The following LRP1B variants were observed in gnomAD, a reference collection of about 807,000 sequenced individuals.
The protein encoded by LRP1B is low-density lipoprotein receptor-related protein 1B.
LRP1B carries 217 observed loss-of-function variants against 556.6 expected under a neutral mutation model. The ratio of observed to expected loss-of-function variants is 0.39; its 90% CI spans 0.35 to 0.44. LRP1B has a LOEUF of 0.44. LRP1B is among the 20% of genes least tolerant of loss of function. The pLI, the probability that LRP1B is intolerant of heterozygous loss-of-function variation, is 1.00. For synonymous variants in LRP1B, 2,047 were observed against 1,865.8 expected (o/e 1.10, Z -2.50); for missense variants, 5,053 against 5,620.8 (o/e 0.90, Z 3.23).
chr2:141,167,055 ATTT>A (rs1290729180), intron 7 of LRP1B, among the ~76,000 whole-genome samples: 1 of 151,782 alleles, frequency 6.6e-6, no homozygotes, highest in Admixed American at 6.6e-5. Flanking sequence ...GTTGTTACTT[ATTT>A]TTTATTTTTT....
At chr2:141,043,980 GAAC>G (rs1558821179) in intron 11 of LRP1B, among the ~76,000 whole-genome samples, 2 of 151,862 alleles carry the variant, frequency 1.3e-5, no homozygotes, top group East Asian at 3.9e-4. Flanking sequence ...TAAGCCAAAG[GAAC>G]AAAGGTGGAG....
chr2:141,061,340 A>G (rs902525300), intron 8 of LRP1B, among the ~76,000 whole-genome samples: 8 of 151,868 alleles, frequency 5.3e-5, no homozygotes, highest in African/African-American at 1.9e-4. Context: ...AGAGATTCAC[A>G]TATTTCAGCT....
intron 2 of LRP1B, among the ~76,000 whole-genome samples, chr2:141,532,576 C>T (rs1559124913): frequency 6.6e-6 from 1 of 151,738 alleles, no homozygotes; most frequent in South Asian, 2.1e-4. Context: ...ACAGTATTGT[C>T]ATCCTCCGGT....
chr2:141,535,924 T>C (rs147394580), intron 2 of LRP1B, among the ~76,000 whole-genome samples: 2 of 152,232 alleles, frequency 1.3e-5, no homozygotes, highest in Non-Finnish European at 2.9e-5. Context: ...TTTATCAACA[T>C]TGACAACTGC....
chr2:141,753,605 C>T (rs1694210894), intron 2 of LRP1B, among the ~76,000 whole-genome samples: 1 of 151,706 alleles, frequency 6.6e-6, no homozygotes, highest in South Asian at 2.1e-4. Flanking sequence ...TCACTATTTC[C>T]CTCTCTAGCC....
chr2:141,027,714 T>C (rs554437896), intron 11 of LRP1B, among the ~76,000 whole-genome samples: 1 of 152,300 alleles, frequency 6.6e-6, no homozygotes, highest in Admixed American at 6.5e-5. Context: ...TAAATGTTTG[T>C]GTCCTCCTAA....
rs771161987 is a variant in LRP1B, at chr2:140,358,919, G to A, written c.11159C>T (p.Pro3720Leu). ...TATTCTGTTATTTCTGCATCTGTGA[G>A]GTCTCGTGGATGGACAAAGAAATTT... ...CVKFLCPSTR[P>L]HRCRNNRICL... Residue 3720 changes from proline to leucine, a missense_variant, in exon 73 of 91, where the codon CCT (proline) becomes CTT (leucine). Transcript: ENST00000389484. The A allele has an allele frequency of 6.2e-7, 1 of 1,608,140 alleles. No individual in the cohort carries two copies. Among genetic ancestry groups the A allele is most frequent in the Admixed American group, 1.7e-5 (1 of 59,762 alleles).
intron 47 of LRP1B, among the ~76,000 whole-genome samples, chr2:140,533,741 C>T (rs2104993349): frequency 6.6e-6 from 1 of 152,204 alleles, no homozygotes; most frequent in African/African-American, 2.4e-5. Context: ...TTCAATATTA[C>T]ACATTCTGGT....
intron 3 of LRP1B, among the ~76,000 whole-genome samples, chr2:141,453,936 A>C (rs79096259): frequency 0.064 from 9,560 of 150,128 alleles, 567 homozygotes; most frequent in African/African-American, 0.15. Flanking sequence ...GAAAAAAAAA[A>C]GTTCTAGTGT....
chr2:140,809,124 C>G (rs570489117), intron 32 of LRP1B, among the ~76,000 whole-genome samples: 2 of 152,124 alleles, frequency 1.3e-5, no homozygotes, highest in South Asian at 4.2e-4. Flanking sequence ...GAAGCAACAA[C>G]AGAAGGTTAT....
chr2:140,445,322 G>A lies in LRP1B; in HGVS notation c.10058-643C>T, dbSNP rs973664881. 4.6e-5 allele frequency among the ~76,000 whole-genome samples: 7 copies of A among 151,848 alleles called. 1 individual carries two copies. Among genetic ancestry groups the A allele is most frequent in the Admixed American group, 3.9e-4 (6 of 15,214 alleles). On this transcript the variant is annotated intron_variant, in intron 63 of 90. Coordinates refer to ENST00000389484, the MANE Select transcript of LRP1B (RefSeq NM_018557.3). ...AGTAGAGATAGGGTTTCACCATGTTGGCCAGGCTGGTCTCGAACTCCGGAC... is the reference window on the plus strand; with the variant it reads ...AGTAGAGATAGGGTTTCACCATGTTAGCCAGGCTGGTCTCGAACTCCGGAC...
intron 1 of LRP1B, among the ~76,000 whole-genome samples, chr2:141,865,524 G>A (rs1471232367): frequency 2.7e-5 from 4 of 145,534 alleles, no homozygotes; most frequent in East Asian, 2.0e-4. Context: ...CCCGGGAGGC[G>A]GAGCTTGCAG....
chr2:141,393,251 C>A (rs1690120465), intron 3 of LRP1B, among the ~76,000 whole-genome samples: 1 of 151,962 alleles, frequency 6.6e-6, no homozygotes, highest in Non-Finnish European at 1.5e-5. Context: ...AAACACACAA[C>A]TTTCTGGAAG....
intron 23 of LRP1B, among the ~76,000 whole-genome samples, chr2:140,891,180 T>G (rs1207010035): frequency 6.6e-6 from 1 of 152,146 alleles, no homozygotes; most frequent in Non-Finnish European, 1.5e-5. Flanking sequence ...AATTTCATTT[T>G]TATAAATCTA....
At chr2:140,449,672 T>A (rs141331834) in intron 63 of LRP1B, among the ~76,000 whole-genome samples, 2 of 152,260 alleles carry the variant, frequency 1.3e-5, no homozygotes, top group East Asian at 3.9e-4. Flanking sequence ...ATACAGCCTA[T>A]CTAAGTAAAT....
chr2:140,592,205 A>G (rs916008479), intron 43 of LRP1B, among the ~76,000 whole-genome samples: 2 of 152,192 alleles, frequency 1.3e-5, no homozygotes, highest in Admixed American at 1.3e-4. Context: ...TTATTAGAAC[A>G]GAAATAAGGA....
Position 142,006,541 on chromosome 2 carries a change from C to T in LRP1B, c.82+124107G>A, listed in dbSNP as rs72988354. Among the ~76,000 whole-genome samples the T allele has an allele frequency of 5.2e-3, 796 of 152,292 alleles. 7 individuals are homozygous for T. Among genetic ancestry groups the T allele is most frequent in the African/African-American group, 0.018 (749 of 41,562 alleles). The stretch of plus-strand genomic sequence containing the variant: ...TAGAAGCTTATTTGGAGTTAATTCA[C>T]CTTCTCCGTTAACACATTCACAACT... On this transcript the variant is annotated intron_variant, in intron 1 of 90. Coordinates refer to ENST00000389484, the MANE Select transcript of LRP1B (RefSeq NM_018557.3).
At chr2:142,056,537 T>C (rs1326159236) in intron 1 of LRP1B, among the ~76,000 whole-genome samples, 1 of 152,064 alleles carries the variant, frequency 6.6e-6, no homozygotes, top group Non-Finnish European at 1.5e-5. Flanking sequence ...TGGCTGGATG[T>C]AATACAAAGA....
chr2:141,461,308 T>C (rs1681860824), intron 3 of LRP1B, among the ~76,000 whole-genome samples: 1 of 152,100 alleles, frequency 6.6e-6, no homozygotes. Context: ...TAAAAGGACA[T>C]TTTAAAATTG....
Sources: gnomAD v4.1 joint callset for allele counts (sites outside exome capture counted in the v4.1 genomes callset) on GRCh38, gnomAD v4.1.1 for gene constraint, MANE v1.5 for transcripts, NCBI Gene and HGNC (gene_info 2026-07-23, HGNC 2026-07-21) for gene names.